The following TTC13 variants were observed in gnomAD, a reference collection of about 807,000 sequenced individuals.
The protein encoded by TTC13 is tetratricopeptide repeat protein 13.
A neutral mutation model predicts 120.0 loss-of-function variants in TTC13; 62 were observed. That is an observed-to-expected ratio of 0.52 (90% confidence interval 0.42 to 0.64). TTC13 has a LOEUF of 0.64. TTC13 is among the 30% of genes least tolerant of loss of function. The probability of loss-of-function intolerance (pLI) is 0.00; values close to 1 mark genes in which losing one functional copy is unlikely to be tolerated. For synonymous variants in TTC13, 384 were observed against 393.5 expected (o/e 0.98, Z 0.28); for missense variants, 824 against 1,050.2 (o/e 0.78, Z 2.98).
At chr1:230,918,302 A>G (rs1280286840) in intron 17 of TTC13, among the ~76,000 whole-genome samples, 4 of 152,208 alleles carry the variant, frequency 2.6e-5, no homozygotes, top group Admixed American at 2.0e-4. Context: ...CCACATCGCC[A>G]ATGACAATGT....
chr1:230,968,344 C>A (rs1057280623), intron 1 of TTC13, among the ~76,000 whole-genome samples: 1 of 151,830 alleles, frequency 6.6e-6, no homozygotes, highest in Non-Finnish European at 1.5e-5. Context: ...AAAAAACAAC[C>A]CGGGTCTATT....
At chr1:230,925,262 G>C (rs1481336361) in intron 13 of TTC13, among the ~76,000 whole-genome samples, 2 of 152,094 alleles carry the variant, frequency 1.3e-5, no homozygotes, top group Non-Finnish European at 2.9e-5. Flanking sequence ...TAGCTCCCTG[G>C]ATCAGCTGTC....
intron 14 of TTC13, among the ~76,000 whole-genome samples, chr1:230,924,437 A>G (rs1430285895): frequency 1.3e-5 from 2 of 152,168 alleles, no homozygotes; most frequent in Admixed American, 1.3e-4. Flanking sequence ...GGTTCACGCC[A>G]TTCTCCTGCC....
At chr1:230,915,908 C>CT (rs1028067032) in intron 18 of TTC13, among the ~76,000 whole-genome samples, 1 of 151,698 alleles carries the variant, frequency 6.6e-6, no homozygotes, top group Non-Finnish European at 1.5e-5. Context: ...CCCTCGCCCC[C>CT]CCAAGGAACT....
chr1:230,950,841 C>T (rs1451980713), intron 4 of TTC13, among the ~76,000 whole-genome samples: 2 of 152,188 alleles, frequency 1.3e-5, no homozygotes, highest in African/African-American at 4.8e-5. Context: ...AAACCCATCC[C>T]TGCATGAGGA....
chr1:230,920,012 C>A (rs1672427474), intron 17 of TTC13, among the ~76,000 whole-genome samples: 2 of 152,292 alleles, frequency 1.3e-5, no homozygotes, highest in South Asian at 2.1e-4. Flanking sequence ...CTATACTCTG[C>A]TCTGCAAATT....
At chr1:230,912,803 A>G in intron 18 of TTC13, 45 bp from the exon 19 acceptor site, 6 of 1,563,990 alleles carry the variant, frequency 3.8e-6, no homozygotes, top group Non-Finnish European at 4.3e-6. Flanking sequence ...TTATAAGTTC[A>G]AACAGCCAAA....
At chr1:230,948,472 A>G (rs1334051004) in intron 4 of TTC13, among the ~76,000 whole-genome samples, 1 of 146,944 alleles carries the variant, frequency 6.8e-6, no homozygotes, top group East Asian at 2.0e-4. Context: ...CTTACTGTTC[A>G]GCCTCATCTC....
At position 230,978,600 on chromosome 1, in the gene TTC13, C is replaced by T. The variant is rs1194908309; in HGVS notation, c.231G>A (p.Gln77=). ...APAGGGGCSP[Q]SGDWGDQYSA... The stretch of plus-strand genomic sequence containing the variant: ...AGTACTGGTCCCCCCAGTCCCCGGA[C>T]TGCGGGCTGCAGCCGCCGCCGCCCG... Residue 77 remains glutamine (Q), a synonymous_variant, in exon 1 of 23, where the codon CAG becomes CAA. Transcript: ENST00000366661. The surrounding 1 kb of genome is among the most constrained non-coding windows in gnomAD (Gnocchi z 5.6). The T allele has an allele frequency of 2.1e-6, 3 of 1,423,806 alleles. No individual in the cohort carries two copies. Among genetic ancestry groups the T allele is most frequent in the Non-Finnish European group, 2.8e-6 (3 of 1,079,166 alleles). The allele number at this position is 1,423,806 out of a possible 1,614,324, so 88.2% of individuals were successfully genotyped here.
intron 1 of TTC13, among the ~76,000 whole-genome samples, chr1:230,965,301 C>G (rs1222960368): frequency 6.6e-6 from 1 of 151,940 alleles, no homozygotes; most frequent in Non-Finnish European, 1.5e-5. Context: ...ATAATCCAAC[C>G]AAAAAATGGG....
chr1:230,944,036 A>G lies in TTC13; in HGVS notation c.580-138T>C, dbSNP rs1674762842. On this transcript the variant is annotated intron_variant, in intron 5 of 22. Transcript: ENST00000366661. This position sits in a 1 kb window ranked among gnomAD's most constrained non-coding sequence, Gnocchi z 4.0. ...AATATGAACTTCACTTCTATGTAAG[A>G]GATGTGCCATGTCAAATCAGTCATG... 2.2e-6 allele frequency: 1 copy of G among 463,970 alleles called. No individual in the cohort carries two copies. Among genetic ancestry groups the G allele is most frequent in the Admixed American group, 3.9e-5 (1 of 25,962 alleles). 28.7% of individuals were successfully genotyped at this position (463,970 alleles called of 1,614,324 possible).
intron 1 of TTC13, among the ~76,000 whole-genome samples, chr1:230,976,556 C>T (rs559816191): frequency 3.9e-5 from 6 of 152,312 alleles, no homozygotes; most frequent in South Asian, 4.1e-4. Flanking sequence ...GTGACCACAG[C>T]GGCAGCTGCC....
Position 230,911,500 on chromosome 1 carries a change from T to A in TTC13, c.2279A>T (p.Tyr760Phe). 1.2e-6 allele frequency: 2 copies of A among 1,604,028 alleles called. No individual in the cohort carries two copies. ...TCCTCGAGAGAGTGGCATTAAATTA[T>A]AAAAGTAATAAACTAAGGATAAGAT... ...NLILSLVYYF[Y>F]NLMPLSRGSS... Residue 760 changes from tyrosine (Y) to phenylalanine (F), a missense_variant, in exon 20 of 23, where the codon TAT becomes TTT. By Grantham distance (22) the Tyr-to-Phe change is conservative. Coordinates refer to ENST00000366661, the MANE Select transcript of TTC13 (RefSeq NM_024525.5).
In TTC13 at chr1:230,908,732, T is replaced by G; in HGVS notation, c.2448A>C (p.Lys816Asn). Residue 816 changes from lysine to asparagine, a missense_variant, in exon 22 of 23, where the codon AAA (lysine) becomes AAC (asparagine). By Grantham distance (94) the Lys-to-Asn change is moderately conservative. This residue lies in a region of TTC13 where 226 missense variants were observed against 259.1 expected (regional missense o/e 0.87). Coordinates refer to ENST00000366661, the MANE Select transcript of TTC13 (RefSeq NM_024525.5). ...GTTACCTTTTCAAGTTCATCCAGCTTTTGGCGACTTTGCTAAAGGCCTCTG... is the reference window on the plus strand; with the variant it reads ...GTTACCTTTTCAAGTTCATCCAGCTGTTGGCGACTTTGCTAAAGGCCTCTG... The part of the protein sequence containing the change: ...PGSEAFSKVA[K>N]SWMNLKSISP... 3.7e-6 allele frequency: 6 copies of G among 1,613,644 alleles called. No individual in the cohort carries two copies. Among genetic ancestry groups the G allele is most frequent in the Non-Finnish European group, 5.1e-6 (6 of 1,179,542 alleles).
At chr1:230,957,057 A>G (rs1676155037) in intron 3 of TTC13, among the ~76,000 whole-genome samples, 1 of 152,236 alleles carries the variant, frequency 6.6e-6, no homozygotes, top group South Asian at 2.1e-4. Context: ...TGAACTCATT[A>G]TTCAATAAAT....
At chr1:230,935,986 T>G (rs1293467735) in intron 8 of TTC13, among the ~76,000 whole-genome samples, 2 of 151,944 alleles carry the variant, frequency 1.3e-5, no homozygotes, top group Admixed American at 1.3e-4. Flanking sequence ...GCTGAAGAGC[T>G]TGGGTGGGTG....
At chr1:230,913,945 T>A (rs1671759961) in intron 18 of TTC13, among the ~76,000 whole-genome samples, 1 of 151,994 alleles carries the variant, frequency 6.6e-6, no homozygotes, top group Admixed American at 6.5e-5. Flanking sequence ...GGAAGCTGGT[T>A]TGGGTAGCCA....
At chr1:230,934,561 T>A (rs1189072524) in intron 8 of TTC13, among the ~76,000 whole-genome samples, 1 of 152,202 alleles carries the variant, frequency 6.6e-6, no homozygotes, top group Admixed American at 6.5e-5. Flanking sequence ...CCTAACTCCC[T>A]CTCCATCTAT....
At chr1:230,915,962 A>G (rs1671984477) in intron 18 of TTC13, among the ~76,000 whole-genome samples, 1 of 152,138 alleles carries the variant, frequency 6.6e-6, no homozygotes, top group Non-Finnish European at 1.5e-5. Flanking sequence ...CATCATACAT[A>G]GTATCTAGAA....
Sources: allele counts gnomAD v4.1 joint callset (sites outside exome capture counted in the v4.1 genomes callset), GRCh38; gene constraint gnomAD v4.1.1; regional missense constraint gnomAD v4.1.1; non-coding constraint Gnocchi (gnomAD v3.1); transcripts MANE v1.5; gene names NCBI Gene and HGNC (gene_info 2026-07-23, HGNC 2026-07-21).